SUSD1: variants seen among roughly 807,000 people sequenced by gnomAD.
SUSD1 encodes sushi domain-containing protein 1.
SUSD1 carries 65 observed loss-of-function variants against 86.9 expected under a neutral mutation model. The observed-to-expected ratio is 0.75, with a 90% CI of 0.61 to 0.92. The LOEUF is 0.92. SUSD1 is among the 40% of genes least tolerant of loss of function. The pLI is 0.00. For missense variants in SUSD1, 850 were observed against 929.7 expected, an observed-to-expected ratio of 0.91 and a Z score of 1.11; for synonymous variants, 346 against 350.0, an observed-to-expected ratio of 0.99 and a Z score of 0.13.
chr9:112,104,186 T>G (rs1025365135), intron 8 of SUSD1, among the ~76,000 whole-genome samples: 3 of 151,820 alleles, frequency 2.0e-5, no homozygotes, highest in Non-Finnish European at 2.9e-5. Context: ...CAGCTAATTT[T>G]GGGGGTTTCT....
intron 12 of SUSD1, among the ~76,000 whole-genome samples, chr9:112,067,613 C>T (rs138901875): frequency 6.6e-5 from 10 of 152,246 alleles, no homozygotes; most frequent in African/African-American, 2.4e-4. Context: ...GAATTCCAGG[C>T]AAATGCTAAA....
At chr9:112,139,225 T>A (rs1363791460) in intron 5 of SUSD1, among the ~76,000 whole-genome samples, 1 of 152,138 alleles carries the variant, frequency 6.6e-6, no homozygotes, top group Non-Finnish European at 1.5e-5. Flanking sequence ...TTCTTTTTTT[T>A]AAAATTCAGA....
chr9:112,045,068 T>A, intron 15 of SUSD1, among the ~76,000 whole-genome samples: 1 of 152,254 alleles, frequency 6.6e-6, no homozygotes, highest in East Asian at 1.9e-4. Context: ...ATTAAGGCAT[T>A]AAGATGCCAT....
intron 5 of SUSD1, among the ~76,000 whole-genome samples, chr9:112,128,156 G>C (rs867020656): frequency 6.6e-6 from 1 of 151,440 alleles, no homozygotes; most frequent in Non-Finnish European, 1.5e-5. Context: ...GCAGTGGCAC[G>C]ATCTCAGCTC....
intron 8 of SUSD1, among the ~76,000 whole-genome samples, chr9:112,110,252 G>C (rs938556219): frequency 6.6e-6 from 1 of 152,186 alleles, no homozygotes; most frequent in Non-Finnish European, 1.5e-5. Context: ...AGAAGGCTGA[G>C]GCAGGAGAAT....
intron 10 of SUSD1, among the ~76,000 whole-genome samples, chr9:112,084,161 A>T (rs575839457): frequency 9.3e-4 from 141 of 152,330 alleles, no homozygotes; most frequent in South Asian, 1.9e-3. Flanking sequence ...TGCCTCTGAG[A>T]ATCAATAAAA....
At chr9:112,112,146 G>A (rs1330278410) in intron 7 of SUSD1, 5 of 262,240 alleles carry the variant, frequency 1.9e-5, no homozygotes, top group Admixed American at 4.9e-5. Flanking sequence ...AGACGCTCCC[G>A]GGCTTGCTCT....
chr9:112,053,508 C>T (rs554575798), intron 14 of SUSD1, among the ~76,000 whole-genome samples: 2 of 73,446 alleles, frequency 2.7e-5, no homozygotes, highest in Non-Finnish European at 4.4e-5. Context: ...AATGAGACTT[C>T]GTCTCAAAAA....
chr9:112,167,341 G>A (rs531122179), intron 1 of SUSD1, among the ~76,000 whole-genome samples: 271 of 152,196 alleles, frequency 1.8e-3, no homozygotes, highest in Non-Finnish European at 2.9e-3. Context: ...GGGCTCAATC[G>A]ATATTCCTGC....
Position 112,063,017 on chromosome 9 carries a change from T to C in SUSD1, c.1770A>G (p.Glu590=). ...TTQITEPPLP[E]VEFFTVHRGP... ...CTCTGTGCACCGTAAAAAATTCTAC[T>C]TCCGGGAGGGGAGGCTCTGAAAACA... Residue 590 remains glutamate (E), a synonymous_variant, in exon 13 of 17, where the codon GAA becomes GAG. Coordinates refer to ENST00000374270, the MANE Select transcript of SUSD1 (RefSeq NM_022486.5). 1 of 1,612,646 alleles carries C rather than the reference T, an allele frequency of 6.2e-7. No individual in the cohort carries two copies. Among genetic ancestry groups the C allele is most frequent in the Non-Finnish European group, 8.5e-7 (1 of 1,178,754 alleles).
intron 2 of SUSD1, among the ~76,000 whole-genome samples, chr9:112,154,335 CAAAA>C (rs887833151): frequency 2.8e-5 from 2 of 70,410 alleles, no homozygotes. Context: ...CACACACACA[CAAAA>C]AAAAAAAAAA....
At chr9:112,050,131 T>C (rs1045096661) in intron 15 of SUSD1, among the ~76,000 whole-genome samples, 1 of 152,228 alleles carries the variant, frequency 6.6e-6, no homozygotes, top group Non-Finnish European at 1.5e-5. Context: ...GAGAACGCCA[T>C]GCCCAATCCT....
intron 1 of SUSD1, among the ~76,000 whole-genome samples, chr9:112,165,401 T>G (rs1346303911): frequency 7.0e-6 from 1 of 143,330 alleles, no homozygotes; most frequent in African/African-American, 2.7e-5. Flanking sequence ...TACTAGGTCT[T>G]TGACACTTTT....
intron 2 of SUSD1, 64 bp from the exon 3 acceptor site, chr9:112,149,463 C>G: frequency 6.3e-7 from 1 of 1,577,852 alleles, no homozygotes; most frequent in Non-Finnish European, 8.6e-7. Context: ...ACAGCCCAGA[C>G]TGTCCTCCCA....
At chr9:112,078,046 A>T (rs1829595366) in intron 12 of SUSD1, among the ~76,000 whole-genome samples, 2 of 151,712 alleles carry the variant, frequency 1.3e-5, no homozygotes, top group South Asian at 4.2e-4. Flanking sequence ...GTATCTTTTT[A>T]AAAATAAAAC....
chr9:112,161,288 G>A (rs1442705092), intron 1 of SUSD1, among the ~76,000 whole-genome samples: 1 of 151,906 alleles, frequency 6.6e-6, no homozygotes, highest in Non-Finnish European at 1.5e-5. Context: ...GCTAAAGCAG[G>A]GGAATCACTT....
intron 6 of SUSD1, among the ~76,000 whole-genome samples, chr9:112,114,722 G>T (rs1831240602): frequency 6.6e-6 from 1 of 152,086 alleles, no homozygotes; most frequent in South Asian, 2.1e-4. Context: ...CCTATTCTGG[G>T]ACTTCCCTGC....
In SUSD1 at chr9:112,041,199, A is replaced by C; in HGVS notation, c.*293T>G. 5.3e-6 allele frequency: 3 copies of C among 568,556 alleles called. No individual in the cohort carries two copies. Among genetic ancestry groups the C allele is most frequent in the Non-Finnish European group, 9.4e-6 (3 of 317,984 alleles). The allele number at this position is 568,556 out of a possible 1,614,324, so 35.2% of individuals were successfully genotyped here. A position where few individuals can be genotyped will look rare whatever the true frequency, so the allele number is the denominator to read the frequency against. ...TCCCAGCCAAGATTCACAGATCTGT[A>C]TGTAGCCTTCGGTCAATATCACAGT... On this transcript the variant is annotated 3_prime_UTR_variant, in exon 17 of 17. Coordinates refer to ENST00000374270, the MANE Select transcript of SUSD1 (RefSeq NM_022486.5).
rs1284725651 is a variant in SUSD1 at position 112,124,447 on chromosome 9, A to T, written c.707-11T>A. 1 of 1,611,646 alleles carries T rather than the reference A, an allele frequency of 6.2e-7. No individual in the cohort carries two copies. The highest frequency in any genetic ancestry group is 1.1e-5 in the South Asian group (1 of 90,660). On this transcript the variant is annotated splice_polypyrimidine_tract_variant and intron_variant, in intron 5 of 16. Transcript: ENST00000374270. The stretch of plus-strand genomic sequence containing the variant: ...TGCCACAGTTGATCTCTGCAATGGG[A>T]ACCAAGACAGCACTGGTTATAAGCC...
Sources: gnomAD v4.1 joint callset for allele counts (sites outside exome capture counted in the v4.1 genomes callset) on GRCh38, gnomAD v4.1.1 for gene constraint, MANE v1.5 for transcripts, NCBI Gene and HGNC (gene_info 2026-07-23, HGNC 2026-07-21) for gene names.